Variants in TEP1 observed in about 807,000 individuals in gnomAD.
TEP1 encodes the protein telomerase protein component 1.
TEP1 carries 241 observed loss-of-function variants against 306.3 expected under a neutral mutation model. The observed-to-expected ratio is 0.79, with a 90% CI of 0.71 to 0.88. TEP1 has a LOEUF of 0.88. Among genes scored for constraint, TEP1 ranks in the 40% least tolerant of loss-of-function variants. TEP1 has a pLI of 0.00. For synonymous variants in TEP1, 1,289 were observed against 1,305.5 expected (o/e 0.99, Z 0.27); for missense variants, 3,051 against 3,276.1 (o/e 0.93, Z 1.68).
intron 8 of TEP1, 148 bp from the exon 9 acceptor site, chr14:20,401,289 G>A: frequency 7.3e-7 from 1 of 1,374,422 alleles, no homozygotes; most frequent in South Asian, 1.4e-5. Context: ...ATGTTTACAG[G>A]TGAGTCAGAA....
intron 1 of TEP1, among the ~76,000 whole-genome samples, chr14:20,410,735 T>G (rs1321763813): frequency 6.9e-6 from 1 of 144,876 alleles, no homozygotes; most frequent in East Asian, 2.2e-4. Flanking sequence ...CCACTGTGCC[T>G]GGCGGACTCC....
chr14:20,400,510 A>AAAAAAAAAAAAAAAG (rs1878603202), intron 9 of TEP1, among the ~76,000 whole-genome samples: 1 of 100,254 alleles, frequency 1.0e-5, no homozygotes, highest in Non-Finnish European at 1.7e-5. Flanking sequence ...AAAAAAAAAA[A>AAAAAAAAAAAAAAAG]AAAAAAAAAA....
In TEP1 at chr14:20,406,268, G is replaced by C. The variant is rs1879167132; in HGVS notation, c.700C>G (p.Pro234Ala). ...KLTSGDSESHPEPTDHVLQEK... is the reference protein window; with the variant it reads ...KLTSGDSESHAEPTDHVLQEK... ...TGAAGGACATGGTCAGTAGGCTCTG[G>C]ATGAGATTCAGAGTCTCCAGAGGTG... Residue 234 changes from proline (P) to alanine (A), a missense_variant, in exon 3 of 55, where the codon CCA becomes GCA. Transcript: ENST00000262715. 6.2e-7 allele frequency: 1 copy of C among 1,613,832 alleles called. No individual in the cohort carries two copies. The highest frequency in any genetic ancestry group is 1.3e-5 in the African/African-American group (1 of 74,826).
At chr14:20,369,241 C>A in intron 53 of TEP1, 103 bp downstream of exon 53, 1 of 1,165,992 alleles carries the variant, frequency 8.6e-7, no homozygotes, top group Non-Finnish European at 1.3e-6. Context: ...ATCTCCTGAC[C>A]TCATTATCTG....
Position 20,381,109 on chromosome 14 carries a change from C to T in TEP1, c.4648-64G>A. 2 of 1,387,790 alleles carry T rather than the reference C, an allele frequency of 1.4e-6. No homozygotes were observed. Among genetic ancestry groups the T allele is most frequent in the Non-Finnish European group, 2.0e-6 (2 of 976,116 alleles). The allele number at this position is 1,387,790 out of a possible 1,614,324, so 86.0% of individuals were successfully genotyped here. ...GGCTGGTGAGAAGGGACAGTTTAGT[C>T]TCAGAACCTGGATACAGAGATAGGA... On this transcript the variant is annotated intron_variant, in intron 32 of 54. Transcript: ENST00000262715. The surrounding 1 kb of genome is among the most constrained non-coding windows in gnomAD (Gnocchi z 4.0).
Position 20,378,565 on chromosome 14 carries a change from C to T in TEP1, c.5353-30G>A, listed in dbSNP as rs377320599. On this transcript the variant is annotated intron_variant, in intron 37 of 54. Transcript: ENST00000262715. Reference sequence around the variant, plus strand: ...GGGAGAGAGAGGAGGAATCAGGATGCTGAAGAGAGATGCCTGAACTTCTCA... The same window carrying T: ...GGGAGAGAGAGGAGGAATCAGGATGTTGAAGAGAGATGCCTGAACTTCTCA... The T allele has an allele frequency of 1.6e-5, 26 of 1,613,558 alleles. No homozygotes were observed. The African/African-American group carries it at 3.3e-4, about 21-fold the overall frequency.
chr14:20,404,002 C>G, intron 5 of TEP1, 118 bp from the exon 6 acceptor site: 1 of 1,354,494 alleles, frequency 7.4e-7, no homozygotes, highest in African/African-American at 1.4e-5. Context: ...GTTCCCAGCC[C>G]TAGCTCCAAA....
At chr14:20,385,964 A>G in intron 20 of TEP1, 111 bp downstream of exon 20, 1 of 1,433,908 alleles carries the variant, frequency 7.0e-7, no homozygotes, top group Non-Finnish European at 9.2e-7. Flanking sequence ...TTCAAGTCTC[A>G]AGGACCTGCC....
chr14:20,408,261 G>A lies in TEP1; in HGVS notation c.179C>T (p.Thr60Ile). Residue 60 changes from threonine to isoleucine, a missense_variant, in exon 2 of 55, where the codon ACC (threonine) becomes ATC (isoleucine). Thr to Ile is a moderately conservative substitution (Grantham distance 89). Coordinates refer to ENST00000262715, the MANE Select transcript of TEP1 (RefSeq NM_007110.5). ...QCLATLPDLK[T>I]MEKPHGYVSA... ...CACATATCCATGTGGTTTTTCCATG[G>A]TCTTCAGGTCAGGAAGCGTGGCTAG... is the stretch of plus-strand genomic sequence containing the variant. 6.2e-7 allele frequency: 1 copy of A among 1,613,690 alleles called. No homozygotes were observed.
At chr14:20,400,355 G>A (rs897584786) in intron 9 of TEP1, among the ~76,000 whole-genome samples, 1 of 151,616 alleles carries the variant, frequency 6.6e-6, no homozygotes, top group Non-Finnish European at 1.5e-5. Context: ...GGAGGCCAAG[G>A]TAGGAGAAAT....
In TEP1 at chr14:20,390,413, A is replaced by G. The variant is rs1594353051; in HGVS notation, c.2334+268T>C. Among the ~76,000 whole-genome samples the G allele has an allele frequency of 2.6e-5, 4 of 152,340 alleles. No homozygotes were observed. The East Asian group carries it at 7.7e-4, about 29-fold the overall frequency. ...TTTTCCCAACTCTATGTTCAGTAGC[A>G]TCATGTCGATAGCTTGAAATCAGCC... On this transcript the variant is annotated intron_variant, in intron 15 of 54. Transcript: ENST00000262715.
chr14:20,395,012 GTATTTCAAAA>G (rs1878072713), intron 12 of TEP1, among the ~76,000 whole-genome samples: 1 of 152,094 alleles, frequency 6.6e-6, no homozygotes, highest in Admixed American at 6.6e-5. Context: ...ATCTTTGTGT[GTATTTCAAAA>G]TACACACACA....
At chr14:20,368,621 T>TC (rs1425021914) in intron 54 of TEP1, 62 bp from the exon 55 acceptor site, 2 of 1,603,618 alleles carry the variant, frequency 1.2e-6, no homozygotes, top group Non-Finnish European at 1.7e-6. Context: ...ACTTATTTTT[T>TC]CTCACATTAA....
chr14:20,368,649 C>T (rs1299619855), intron 54 of TEP1, 90 bp from the exon 55 acceptor site: 1 of 1,575,986 alleles, frequency 6.3e-7, no homozygotes, highest in Non-Finnish European at 8.7e-7. Flanking sequence ...TATTTAGAAA[C>T]AGGTTAGTCA....
Position 20,372,658 on chromosome 14 carries a change from T to G in TEP1, c.7076+75A>C, listed in dbSNP as rs1011125927. On this transcript the variant is annotated intron_variant, in intron 49 of 54. Coordinates refer to ENST00000262715, the MANE Select transcript of TEP1 (RefSeq NM_007110.5). Reference sequence around the variant, plus strand: ...AATTGACCTAGTTCAGAAGCAGAAGTGCAGTAATTTGGGTAAAATGCCAGG... The same window carrying G: ...AATTGACCTAGTTCAGAAGCAGAAGGGCAGTAATTTGGGTAAAATGCCAGG... 8 of 1,600,558 alleles carry G rather than the reference T, an allele frequency of 5.0e-6. No homozygotes were observed. The South Asian group carries it at 8.9e-5, about 18-fold the overall frequency.
chr14:20,374,951 C>T (rs916173830), intron 43 of TEP1, among the ~76,000 whole-genome samples: 4 of 151,906 alleles, frequency 2.6e-5, no homozygotes, highest in African/African-American at 9.7e-5. Flanking sequence ...ATTAGCTGGG[C>T]ATGGTGGCAG....
At chr14:20,396,240 A>T (rs1216486740) in intron 10 of TEP1, among the ~76,000 whole-genome samples, 2 of 152,216 alleles carry the variant, frequency 1.3e-5, no homozygotes, top group Non-Finnish European at 2.9e-5. Flanking sequence ...AGCCTTAGGC[A>T]GGTGGACTGC....
At position 20,386,573 on chromosome 14, in the gene TEP1, C is replaced by T; in HGVS notation, c.2735G>A (p.Gly912Glu). ...FISSTFRDMH[G>E]ERDLLLRSVL... Reference sequence around the variant, plus strand: ...AGACCTCAGCAGCAGGTCCCGCTCCCCATGCATGTCTCGGAAAGTGGATGA... The same window carrying T: ...AGACCTCAGCAGCAGGTCCCGCTCCTCATGCATGTCTCGGAAAGTGGATGA... The change falls in exon 19 of 55, where the codon GGG (glycine) becomes GAG (glutamate). Residue 912 changes from glycine (G) to glutamate (E), a missense_variant. By Grantham distance (98) the Gly-to-Glu change is moderately conservative. Transcript: ENST00000262715. The T allele has an allele frequency of 1.2e-6, 2 of 1,611,090 alleles. No homozygotes were observed. The highest frequency in any genetic ancestry group is 1.7e-6 in the Non-Finnish European group (2 of 1,177,960).
intron 41 of TEP1, among the ~76,000 whole-genome samples, chr14:20,376,523 G>C (rs922082896): frequency 3.9e-5 from 6 of 152,208 alleles, no homozygotes; most frequent in Non-Finnish European, 7.3e-5. Context: ...CCTTGTCTCT[G>C]CTTCTCTAAC....
Sources: allele counts gnomAD v4.1 joint callset (sites outside exome capture counted in the v4.1 genomes callset), GRCh38; gene constraint gnomAD v4.1.1; non-coding constraint Gnocchi (gnomAD v3.1); transcripts MANE v1.5; gene names NCBI Gene and HGNC (gene_info 2026-07-23, HGNC 2026-07-21).